Variants in NEXMIF observed in about 807,000 individuals in gnomAD.
NEXMIF encodes the protein neurite extension and migration factor, also known as XLMR protein related to neurite extension.
In NEXMIF, 8 loss-of-function variants were observed where a neutral mutation model predicts 62.1. That is an observed-to-expected ratio of 0.13 (90% confidence interval 0.08 to 0.23). The LOEUF (loss-of-function observed/expected upper bound fraction) is 0.23, where lower values mean the gene tolerates loss of function less well. NEXMIF is among the 10% of genes least tolerant of loss of function. NEXMIF has a pLI of 1.00. For missense variants in NEXMIF, 976 were observed against 1,113.3 expected (o/e 0.88, Z 1.75); for synonymous variants, 404 against 416.6 (o/e 0.97, Z 0.37).
intron 1 of NEXMIF, among the ~76,000 whole-genome samples, chrX:74,761,370 CTATT>C (rs1425806736): frequency 1.8e-5 from 2 of 111,597 alleles, no homozygotes; most frequent in African/African-American, 6.5e-5. Flanking sequence ...AGTTGGTAGA[CTATT>C]TATTACTGAT....
rs747290058 is a variant in NEXMIF, at chrX:74,745,672, C to T, written c.-22G>A. 7 of 991,185 alleles carry T rather than the reference C, an allele frequency of 7.1e-6. No individual in the cohort carries two copies. In the Admixed American group the frequency reaches 1.3e-4, roughly 19 times the overall value. 81.7% of individuals were successfully genotyped at this position (991,185 alleles called of 1,213,427 possible). ...CCATGAATATAACCTCTTATTGTTTCATTCCAAGTCCAAATGCTGTCCAAC... is the reference window on the plus strand; with the variant it reads ...CCATGAATATAACCTCTTATTGTTTTATTCCAAGTCCAAATGCTGTCCAAC... On this transcript the variant is annotated 5_prime_UTR_variant, in exon 2 of 4. The change abolishes an upstream ATG in the 5' untranslated region. Coordinates refer to ENST00000055682, the MANE Select transcript of NEXMIF (RefSeq NM_001008537.3).
chrX:74,746,294 A>G lies in NEXMIF; in HGVS notation c.-47-597T>C, dbSNP rs564022203. The stretch of plus-strand genomic sequence containing the variant: ...GACTTTAACTTGGACTTTGACAAGT[A>G]TTCCTCCAAACTCACAGCAAATTTT... On this transcript the variant is annotated intron_variant, in intron 1 of 3. Transcript: ENST00000055682. Among the ~76,000 whole-genome samples the G allele has an allele frequency of 1.2e-3, 132 of 112,233 alleles. No homozygotes were observed. The South Asian group carries it at 0.012, about 11-fold the overall frequency.
intron 1 of NEXMIF, among the ~76,000 whole-genome samples, chrX:74,853,291 G>C (rs2080522522): frequency 9.1e-6 from 1 of 109,823 alleles, no homozygotes; most frequent in Non-Finnish European, 1.9e-5. Context: ...TTTACATAGG[G>C]CTCAGGGGAT....
rs956391676 is a variant in NEXMIF, at chrX:74,896,832, T to A, written c.-48+28051A>T. On this transcript the variant is annotated intron_variant, in intron 1 of 3. Coordinates refer to ENST00000055682, the MANE Select transcript of NEXMIF (RefSeq NM_001008537.3). The stretch of plus-strand genomic sequence containing the variant: ...TAGCCACACCTCAGCACCTTTCCAT[T>A]AGAATTTGATAAGTGCTGAAAAAGA... Among the ~76,000 whole-genome samples, 3 of 111,881 alleles carry A rather than the reference T, an allele frequency of 2.7e-5. No individual in the cohort carries two copies. The East Asian group carries it at 8.4e-4, about 31-fold the overall frequency.
intron 1 of NEXMIF, among the ~76,000 whole-genome samples, chrX:74,805,869 A>T (rs746744496): frequency 8.9e-6 from 1 of 111,869 alleles, no homozygotes; most frequent in East Asian, 2.8e-4. Context: ...TGTTTTCTTT[A>T]TCAGTACCAT....
Position 74,734,788 on chromosome X carries a change from C to G in NEXMIF, c.*4617G>C, listed in dbSNP as rs769271906. ...CTCAAGTATGTAGCTGCAATGGGAGCTCTGCTTCACGACTGTAGCTAGTGT... is the reference window on the plus strand; with the variant it reads ...CTCAAGTATGTAGCTGCAATGGGAGGTCTGCTTCACGACTGTAGCTAGTGT... On this transcript the variant is annotated 3_prime_UTR_variant, in exon 4 of 4. Coordinates refer to ENST00000055682, the MANE Select transcript of NEXMIF (RefSeq NM_001008537.3). 2.7e-5 allele frequency: 3 copies of G among 112,140 alleles called. No individual in the cohort carries two copies. Among genetic ancestry groups the G allele is most frequent in the Non-Finnish European group, 5.6e-5 (3 of 53,220 alleles). 9.2% of individuals were successfully genotyped at this position (112,140 alleles called of 1,213,427 possible).
At chrX:74,871,946 T>A (rs2080602917) in intron 1 of NEXMIF, among the ~76,000 whole-genome samples, 1 of 111,305 alleles carries the variant, frequency 9.0e-6, no homozygotes, top group African/African-American at 3.3e-5. Context: ...GTGACATACA[T>A]CCTCAGCTTA....
chrX:74,904,561 A>C (rs2080760420), intron 1 of NEXMIF, among the ~76,000 whole-genome samples: 1 of 112,164 alleles, frequency 8.9e-6, no homozygotes, highest in Non-Finnish European at 1.9e-5. Flanking sequence ...AAGTTGTACA[A>C]GAAAAAAGAT....
chrX:74,797,837 G>T (rs1206935576), intron 1 of NEXMIF, among the ~76,000 whole-genome samples: 1 of 111,931 alleles, frequency 8.9e-6, no homozygotes, highest in East Asian at 2.8e-4. Context: ...AATGTTCCAT[G>T]TGAATTCCAA....
intron 1 of NEXMIF, among the ~76,000 whole-genome samples, chrX:74,760,887 A>ATTTAT (rs2147449731): frequency 9.8e-6 from 1 of 102,114 alleles, no homozygotes; most frequent in East Asian, 3.1e-4. Flanking sequence ...TATTTATTTA[A>ATTTAT]GATGGAGTCT....
In NEXMIF at chrX:74,900,474, A is replaced by AAAAAG. The variant is rs1556041534; in HGVS notation, c.-48+24408_-48+24409insCTTTT. On this transcript the variant is annotated intron_variant, in intron 1 of 3. Coordinates refer to ENST00000055682, the MANE Select transcript of NEXMIF (RefSeq NM_001008537.3). ...TGAGACTCCGTCTCAAAAAAAAAAA[A>AAAAAG]AAAAAGAAAAAGAAAAAGAAAAAGG... 4.2e-4 allele frequency among the ~76,000 whole-genome samples: 44 copies of AAAAAG among 106,004 alleles called. 1 individual carries two copies. In the East Asian group the frequency reaches 0.015, roughly 36 times the overall value. 92.1% of individuals were successfully genotyped at this position (106,004 alleles called of 115,157 possible).
intron 1 of NEXMIF, among the ~76,000 whole-genome samples, chrX:74,763,674 G>T (rs966947001): frequency 2.8e-5 from 3 of 108,431 alleles, no homozygotes; most frequent in African/African-American, 1.0e-4. Flanking sequence ...CCTTAAAGAG[G>T]TCCTTCACAT....
chrX:74,888,314 A>C (rs6647562), intron 1 of NEXMIF, among the ~76,000 whole-genome samples: 16,854 of 106,955 alleles, frequency 0.16, 1,934 homozygotes, highest in East Asian at 0.91. Flanking sequence ...AACAAACAAA[A>C]AAAAAAAGAA....
At chrX:74,796,974 A>G (rs927505803) in intron 1 of NEXMIF, among the ~76,000 whole-genome samples, 1 of 112,079 alleles carries the variant, frequency 8.9e-6, no homozygotes, top group Non-Finnish European at 1.9e-5. Flanking sequence ...ACCAAAGTTA[A>G]ATGTGATAAT....
chrX:74,906,136 G>T (rs1348103342), intron 1 of NEXMIF, among the ~76,000 whole-genome samples: 1 of 109,333 alleles, frequency 9.1e-6, no homozygotes, highest in Non-Finnish European at 1.9e-5. Flanking sequence ...AGCCAGGCAT[G>T]GTGGCACACG....
intron 1 of NEXMIF, among the ~76,000 whole-genome samples, chrX:74,789,145 G>C (rs1166858470): frequency 1.4e-5 from 1 of 69,546 alleles, no homozygotes; most frequent in Non-Finnish European, 2.5e-5. Context: ...CCCCACCACA[G>C]TCCCCAGTGT....
At chrX:74,774,165 G>T (rs2080221691) in intron 1 of NEXMIF, among the ~76,000 whole-genome samples, 1 of 111,112 alleles carries the variant, frequency 9.0e-6, no homozygotes, top group Admixed American at 9.6e-5. Flanking sequence ...ATGGTAACAG[G>T]ATTATAGAGG....
intron 1 of NEXMIF, among the ~76,000 whole-genome samples, chrX:74,883,582 G>A (rs1444605703): frequency 9.0e-6 from 1 of 111,594 alleles, no homozygotes; most frequent in African/African-American, 3.3e-5. Flanking sequence ...GAAGTGTGAA[G>A]AGAAGTTTAG....
At position 74,821,113 on chromosome X, in the gene NEXMIF, T is replaced by A. The variant is rs4098808; in HGVS notation, c.-47-75416A>T. Among the ~76,000 whole-genome samples, 8,041 of 109,251 alleles carry A rather than the reference T, an allele frequency of 0.074. 1,217 individuals are homozygous for A. The East Asian group carries it at 0.89, about 12-fold the overall frequency. The allele number at this position is 109,251 out of a possible 115,157, so 94.9% of individuals were successfully genotyped here. A position where few individuals can be genotyped will look rare whatever the true frequency, so the allele number is the denominator to read the frequency against. On this transcript the variant is annotated intron_variant, in intron 1 of 3. Coordinates refer to ENST00000055682, the MANE Select transcript of NEXMIF (RefSeq NM_001008537.3). ...CAGGCTGCTGTCCAGAAAAAAAAAATCTCTCATACTTTAGTAGAAAACAAC... is the reference window on the plus strand; with the variant it reads ...CAGGCTGCTGTCCAGAAAAAAAAAAACTCTCATACTTTAGTAGAAAACAAC...
Sources: allele counts gnomAD v4.1 joint callset (sites outside exome capture counted in the v4.1 genomes callset), GRCh38; gene constraint gnomAD v4.1.1; transcripts MANE v1.5; gene names NCBI Gene and HGNC (gene_info 2026-07-23, HGNC 2026-07-21).